The following RANGAP1 variants were observed in gnomAD, a reference collection of about 807,000 sequenced individuals.
The protein encoded by RANGAP1 is ran GTPase-activating protein 1.
Under a neutral mutation model 63.5 loss-of-function variants are expected in RANGAP1, and 38 were observed. The observed-to-expected ratio is 0.60, with a 90% CI of 0.46 to 0.78. The LOEUF is 0.78. RANGAP1 is among the 30% of genes least tolerant of loss of function. The probability of loss-of-function intolerance (pLI) is 0.00; values close to 1 mark genes in which losing one functional copy is unlikely to be tolerated. For missense variants in RANGAP1, 630 were observed against 740.3 expected, an observed-to-expected ratio of 0.85 and a Z score of 1.73; for synonymous variants, 329 against 310.5, an observed-to-expected ratio of 1.06 and a Z score of -0.63.
At chr22:41,293,079 C>A in the RANGAP1 span, among the ~76,000 whole-genome samples, 1 of 151,640 alleles carries the variant, frequency 6.6e-6, no homozygotes, top group Non-Finnish European at 1.5e-5. Context: ...ACTAAAAATA[C>A]AAAAAATTAG....
intron 3 of RANGAP1, among the ~76,000 whole-genome samples, chr22:41,270,720 GT>G (rs926318511): frequency 6.6e-6 from 1 of 152,166 alleles, no homozygotes; most frequent in African/African-American, 2.4e-5. Flanking sequence ...AAGGAAGCTG[GT>G]TTTTGCAGAA....
chr22:41,288,621 C>T (rs1460734883), upstream of RANGAP1, among the ~76,000 whole-genome samples: 1 of 152,182 alleles, frequency 6.6e-6, no homozygotes, highest in Non-Finnish European at 1.5e-5. Context: ...ACACAGAGAC[C>T]TCCCAAAGGG....
chr22:41,256,525 C>T (rs757576734), intron 8 of RANGAP1, among the ~76,000 whole-genome samples, 186 bp downstream of exon 8: 4 of 152,176 alleles, frequency 2.6e-5, no homozygotes, highest in African/African-American at 4.8e-5. Flanking sequence ...CCCTGCCTCC[C>T]GCTTTAGAAA....
upstream of RANGAP1, among the ~76,000 whole-genome samples, chr22:41,288,168 T>C (rs988065770): frequency 3.9e-5 from 6 of 152,116 alleles, no homozygotes; most frequent in Non-Finnish European, 7.3e-5. Context: ...GTTCCTGAGA[T>C]GTGGATCCTC....
intron 5 of RANGAP1, among the ~76,000 whole-genome samples, chr22:41,263,231 C>T (rs2034274074): frequency 6.6e-6 from 1 of 152,182 alleles, no homozygotes; most frequent in Non-Finnish European, 1.5e-5. Context: ...CCAGGCACTG[C>T]TGGGCAGGAG....
intron 2 of RANGAP1, among the ~76,000 whole-genome samples, chr22:41,276,623 G>C (rs1458156791): frequency 6.6e-6 from 1 of 151,530 alleles, no homozygotes; most frequent in Non-Finnish European, 1.5e-5. Flanking sequence ...TGGGCAACAA[G>C]AGCGAAACTC....
chr22:41,279,847 G>A (rs566276647), intron 2 of RANGAP1, among the ~76,000 whole-genome samples: 22 of 147,220 alleles, frequency 1.5e-4, no homozygotes, highest in South Asian at 4.3e-4. Context: ...CCTGTAATCC[G>A]AACACTTTGG....
intron 4 of RANGAP1, among the ~76,000 whole-genome samples, chr22:41,267,055 T>C (rs536484296): frequency 2.0e-5 from 3 of 149,968 alleles, no homozygotes; most frequent in African/African-American, 4.9e-5. Flanking sequence ...AATTTTTGTA[T>C]TTTTAGTAAG....
At chr22:41,288,346 C>T (rs925040563), upstream of RANGAP1, among the ~76,000 whole-genome samples, 6 of 152,208 alleles carry the variant, frequency 3.9e-5, no homozygotes, top group African/African-American at 1.4e-4. Flanking sequence ...GTTTCCTCCT[C>T]AGCCTGGGAG....
the RANGAP1 span, among the ~76,000 whole-genome samples, chr22:41,297,411 C>T: frequency 2.6e-5 from 4 of 152,050 alleles, no homozygotes; most frequent in Non-Finnish European, 4.4e-5. Flanking sequence ...AACACCCCCA[C>T]AAAAGCACCC....
At chr22:41,248,152 T>C (rs1601580058) in intron 15 of RANGAP1, among the ~76,000 whole-genome samples, 1 of 114,432 alleles carries the variant, frequency 8.7e-6, no homozygotes, top group Non-Finnish European at 1.6e-5. Flanking sequence ...AGCACTGCTA[T>C]GGAAAGGGGC....
chr22:41,276,167 A>G (rs895856891), intron 2 of RANGAP1, among the ~76,000 whole-genome samples: 2 of 152,248 alleles, frequency 1.3e-5, no homozygotes, highest in African/African-American at 4.8e-5. Context: ...ACACAAACAC[A>G]CATGCACACA....
intron 5 of RANGAP1, 145 bp from the exon 6 acceptor site, chr22:41,261,725 T>C: frequency 1.1e-6 from 1 of 905,046 alleles, no homozygotes; most frequent in East Asian, 2.6e-5. Context: ...AGCTCAACAG[T>C]CACACCTTAA....
At position 41,262,490 on chromosome 22, in the gene RANGAP1, G is replaced by A. The variant is rs1357968699; in HGVS notation, c.481-910C>T. Among the ~76,000 whole-genome samples, 5 of 152,216 alleles carry A rather than the reference G, an allele frequency of 3.3e-5. No individual in the cohort carries two copies. The East Asian group carries it at 9.6e-4, about 29-fold the overall frequency. The stretch of plus-strand genomic sequence containing the variant: ...CGTACTTTACAGATGAGGAAGCTGA[G>A]GCTCTGAGAGATGAGTGAATTGGCC... On this transcript the variant is annotated intron_variant, in intron 5 of 15. Coordinates refer to ENST00000356244, the MANE Select transcript of RANGAP1 (RefSeq NM_002883.4).
At chr22:41,264,359 C>T (rs915060870) in intron 5 of RANGAP1, among the ~76,000 whole-genome samples, 3 of 152,204 alleles carry the variant, frequency 2.0e-5, no homozygotes, top group Non-Finnish European at 2.9e-5. Context: ...AGCTGCTCTG[C>T]GGGTACAGTG....
chr22:41,267,483 C>G (rs2034549274), intron 4 of RANGAP1, among the ~76,000 whole-genome samples: 1 of 152,260 alleles, frequency 6.6e-6, no homozygotes, highest in South Asian at 2.1e-4. Flanking sequence ...GAGAGGCTGC[C>G]GACCACCAGC....
upstream of RANGAP1, among the ~76,000 whole-genome samples, chr22:41,287,328 A>G (rs1473537763): frequency 1.3e-5 from 2 of 151,778 alleles, no homozygotes; most frequent in African/African-American, 4.8e-5. Flanking sequence ...CATTTTTGCA[A>G]CTTTTCTGTA....
At chr22:41,263,386 G>C (rs2034282900) in intron 5 of RANGAP1, among the ~76,000 whole-genome samples, 2 of 152,130 alleles carry the variant, frequency 1.3e-5, no homozygotes, top group African/African-American at 4.8e-5. Context: ...TTGTTTGTTT[G>C]TTTGTTTGTT....
chr22:41,274,431 G>T (rs1200598401), intron 3 of RANGAP1, among the ~76,000 whole-genome samples, 169 bp downstream of exon 3: 1 of 152,220 alleles, frequency 6.6e-6, no homozygotes, highest in African/African-American at 2.4e-5. Context: ...CAGGGAGAGG[G>T]TCCCTAGCCA....
Sources: gnomAD v4.1 joint callset for allele counts (sites outside exome capture counted in the v4.1 genomes callset) on GRCh38, gnomAD v4.1.1 for gene constraint, MANE v1.5 for transcripts, NCBI Gene and HGNC (gene_info 2026-07-23, HGNC 2026-07-21) for gene names.